SMARCA4: variants seen among roughly 807,000 people sequenced by gnomAD.
SMARCA4 encodes SWI/SNF-related matrix-associated actin-dependent regulator of chromatin subfamily A member 4.
Under a neutral mutation model 193.9 loss-of-function variants are expected in SMARCA4, and 31 were observed. That is an observed-to-expected ratio of 0.16 (90% CI 0.12 to 0.22). SMARCA4 has a LOEUF of 0.22. Among genes scored for constraint, SMARCA4 ranks in the 10% least tolerant of loss-of-function variants. SMARCA4 has a pLI of 1.00. For missense variants in SMARCA4, 1,148 were observed against 2,296.0 expected (o/e 0.50, Z 10.22); for synonymous variants, 942 against 933.1 (o/e 1.01, Z -0.17).
intron 1 of SMARCA4, among the ~76,000 whole-genome samples, chr19:10,964,269 G>A (rs1483502615): frequency 6.6e-6 from 1 of 151,954 alleles, no homozygotes; most frequent in Non-Finnish European, 1.5e-5. Flanking sequence ...AGCATGGGAG[G>A]GACTAGGGTT....
chr19:11,050,401 C>G (rs370295068), intron 30 of SMARCA4, among the ~76,000 whole-genome samples: 96 of 152,338 alleles, frequency 6.3e-4, no homozygotes, highest in African/African-American at 2.3e-3. Flanking sequence ...TGTCTCTGTG[C>G]CTCAGTCTCC....
rs557040039 is a variant in SMARCA4 at position 11,023,419 on chromosome 19, A to G, written c.2860-99A>G. 3 of 789,094 alleles carry G rather than the reference A, an allele frequency of 3.8e-6. No individual in the cohort carries two copies. The Admixed American group carries it at 6.0e-5, about 16-fold the overall frequency. The allele number at this position is 789,094 out of a possible 1,614,324, so 48.9% of individuals were successfully genotyped here. A position where few individuals can be genotyped will look rare whatever the true frequency, so the allele number is the denominator to read the frequency against. On this transcript the variant is annotated intron_variant, in intron 19 of 34. Transcript: ENST00000344626. ...GCCAAGGGCAAGATCACCCCAGGGG[A>G]CCCCGTCCACCCTGTCCCCACATCC...
chr19:10,974,666 C>CGTATATAT (rs1412254818), intron 1 of SMARCA4, among the ~76,000 whole-genome samples: 2 of 30,474 alleles, frequency 6.6e-5, no homozygotes, highest in South Asian at 1.4e-3. Context: ...GATTAACATG[C>CGTATATAT]ATATATATAT....
intron 1 of SMARCA4, among the ~76,000 whole-genome samples, chr19:10,976,771 T>TAAGA (rs1599871126): frequency 5.5e-5 from 5 of 91,638 alleles, no homozygotes; most frequent in African/African-American, 4.3e-5. Context: ...AAAAAAAAAT[T>TAAGA]GGGCCGGGCG....
chr19:11,033,259 CT>C lies in SMARCA4; in HGVS notation c.3547-28del, dbSNP rs763199330. On this transcript the variant is annotated intron_variant, in intron 25 of 34. Transcript: ENST00000344626. This position sits in a 1 kb window ranked among gnomAD's most constrained non-coding sequence, Gnocchi z 9.8. ...TTCCCTTTTATGACCTCCTGGGCTC[CT>C]TTGGGACTGACTGGCACCTCTTCCC... The C allele has an allele frequency of 6.3e-7, 1 of 1,575,522 alleles. No homozygotes were observed. Among genetic ancestry groups the C allele is most frequent in the Non-Finnish European group, 8.7e-7 (1 of 1,146,256 alleles).
rs530270049 is a variant in SMARCA4 at position 11,034,040 on chromosome 19, C to T, written c.3874-83C>T. On this transcript the variant is annotated intron_variant, in intron 27 of 34. Coordinates refer to ENST00000344626, the MANE Select transcript of SMARCA4 (RefSeq NM_003072.5). This position sits in a 1 kb window ranked among gnomAD's most constrained non-coding sequence, Gnocchi z 7.0. ...TGCCGGGACCACCAGCTCATTCCCA[C>T]GGACGCCGCCGCTCGCCTCTGAGCT... The T allele has an allele frequency of 2.0e-5, 21 of 1,062,544 alleles. No homozygotes were observed. Among genetic ancestry groups the T allele is most frequent in the Admixed American group, 1.2e-4 (7 of 59,228 alleles). The allele number at this position is 1,062,544 out of a possible 1,614,324, so 65.8% of individuals were successfully genotyped here. A position where few individuals can be genotyped will look rare whatever the true frequency, so the allele number is the denominator to read the frequency against.
intron 29 of SMARCA4, chr19:11,040,654 T>C (rs6511717): frequency 0.4 from 60,712 of 151,118 alleles, 12,367 homozygotes; most frequent in East Asian, 0.56. Flanking sequence ...CAGTGGCTTA[T>C]ATCTGTAATC....
Position 10,977,164 on chromosome 19 carries a change from A to G in SMARCA4, c.-31-6957A>G, listed in dbSNP as rs574728866. ...TGTCATGGCTGACAGCAGGTCCTGG[A>G]TCGCACCTAGGGGTTTGCTGCTCTC... On this transcript the variant is annotated intron_variant, in intron 1 of 34. Transcript: ENST00000344626. Among the ~76,000 whole-genome samples the G allele has an allele frequency of 1.7e-3, 254 of 152,318 alleles. 3 individuals carry two copies. The highest frequency in any genetic ancestry group is 5.7e-3 in the African/African-American group (237 of 41,580).
At chr19:11,049,485 GTTT>G (rs56043428) in intron 30 of SMARCA4, among the ~76,000 whole-genome samples, 1 of 142,872 alleles carries the variant, frequency 7.0e-6, no homozygotes, top group Admixed American at 7.0e-5. Flanking sequence ...TGGGTTCTGT[GTTT>G]TTTTTTTTTT....
At chr19:10,997,191 A>G (rs1457320794) in intron 11 of SMARCA4, among the ~76,000 whole-genome samples, 1 of 150,350 alleles carries the variant, frequency 6.7e-6, no homozygotes, top group Admixed American at 6.6e-5. Flanking sequence ...ATTTAATTTT[A>G]TTTTTATTTA....
chr19:11,005,594 T>G (rs1167150195), intron 13 of SMARCA4, among the ~76,000 whole-genome samples: 1 of 152,212 alleles, frequency 6.6e-6, no homozygotes, highest in Non-Finnish European at 1.5e-5. Context: ...GTGATACGCT[T>G]TTCCCTACCG....
chr19:11,055,080 T>A (rs1475990564), intron 30 of SMARCA4, among the ~76,000 whole-genome samples: 1 of 152,214 alleles, frequency 6.6e-6, no homozygotes, highest in Admixed American at 6.5e-5. Context: ...CAGGGAACTC[T>A]GCACCAGAGC....
chr19:11,017,490 A>G (rs1200827019), intron 16 of SMARCA4, among the ~76,000 whole-genome samples: 1 of 152,228 alleles, frequency 6.6e-6, no homozygotes, highest in African/African-American at 2.4e-5. Context: ...GCGCTAGGAA[A>G]TGTTTACGGC....
chr19:11,043,891 G>A (rs1042475561), intron 30 of SMARCA4, among the ~76,000 whole-genome samples: 5 of 152,004 alleles, frequency 3.3e-5, no homozygotes, highest in African/African-American at 9.7e-5. Context: ...CACGAGAATC[G>A]CTTGAACCCA....
At chr19:11,021,563 G>A (rs1022962668) in intron 18 of SMARCA4, 162 bp from the exon 19 acceptor site, 22 of 857,568 alleles carry the variant, frequency 2.6e-5, no homozygotes, top group African/African-American at 2.2e-4. Context: ...GCTCCAACTC[G>A]GTGAGTCAGC....
At position 10,984,430 on chromosome 19, in the gene SMARCA4, C is replaced by T. The variant is rs1375690452; in HGVS notation, c.222+57C>T. ...GGCCTCTGCCCACTAGGGCTGCAGG[C>T]AGCCTCTGGACCGAGGGCCTTACTT... On this transcript the variant is annotated intron_variant, in intron 2 of 34. Coordinates refer to ENST00000344626, the MANE Select transcript of SMARCA4 (RefSeq NM_003072.5). This position sits in a 1 kb window ranked among gnomAD's most constrained non-coding sequence, Gnocchi z 4.3. 1 of 1,550,272 alleles carries T rather than the reference C, an allele frequency of 6.5e-7. No individual in the cohort carries two copies. Among genetic ancestry groups the T allele is most frequent in the Admixed American group, 2.0e-5 (1 of 51,080 alleles).
In SMARCA4 at chr19:10,984,184, TCCTCGG is replaced by T; in HGVS notation, c.36_41del (p.Arg13_Pro14del). On this transcript the variant is annotated inframe_deletion, in exon 2 of 35. Transcript: ENST00000344626. The surrounding 1 kb of genome is among the most constrained non-coding windows in gnomAD (Gnocchi z 4.3). Reference sequence around the variant, plus strand: ...CTCCAGACCCACCCCTGGGCGGAACTCCTCGGCCAGGTCCTTCCCCGGGCCCTGGCC... The same window carrying T: ...CTCCAGACCCACCCCTGGGCGGAACTCCAGGTCCTTCCCCGGGCCCTGGCC... 1 of 1,613,382 alleles carries T rather than the reference TCCTCGG, an allele frequency of 6.2e-7. No homozygotes were observed. The highest frequency in any genetic ancestry group is 8.5e-7 in the Non-Finnish European group (1 of 1,179,740).
chr19:11,051,001 A>C (rs973938920), intron 30 of SMARCA4, among the ~76,000 whole-genome samples: 17 of 152,248 alleles, frequency 1.1e-4, no homozygotes, highest in Non-Finnish European at 2.4e-4. Context: ...TTATGGGCAT[A>C]GGCTGGGTGC....
intron 1 of SMARCA4, among the ~76,000 whole-genome samples, chr19:10,975,347 C>G (rs186161067): frequency 6.2e-4 from 76 of 122,458 alleles, no homozygotes; most frequent in Admixed American, 6.0e-3. Flanking sequence ...GAGTGTTTCT[C>G]TGTTGCCAGG....
Sources: gnomAD v4.1 joint callset for allele counts (sites outside exome capture counted in the v4.1 genomes callset) on GRCh38, gnomAD v4.1.1 for gene constraint, Gnocchi (gnomAD v3.1) non-coding constraint, MANE v1.5 for transcripts, NCBI Gene and HGNC (gene_info 2026-07-23, HGNC 2026-07-21) for gene names.